BICC1: variants seen among roughly 807,000 people sequenced by gnomAD.
BICC1 encodes BicC family RNA binding protein 1.
A neutral mutation model predicts 111.0 loss-of-function variants in BICC1; 43 were observed. The observed-to-expected ratio is 0.39, with a 90% confidence interval of 0.30 to 0.50. The LOEUF (loss-of-function observed/expected upper bound fraction) is 0.50, where lower values mean the gene tolerates loss of function less well. BICC1 is among the 20% of genes least tolerant of loss of function. BICC1 has a pLI of 0.88. For missense variants in BICC1, 1,091 were observed against 1,203.2 expected, an observed-to-expected ratio of 0.91 and a Z score of 1.38; for synonymous variants, 467 against 434.4, an observed-to-expected ratio of 1.07 and a Z score of -0.93.
intron 5 of BICC1, among the ~76,000 whole-genome samples, chr10:58,787,315 C>A (rs538765355): frequency 1.3e-5 from 2 of 152,002 alleles, no homozygotes; most frequent in Non-Finnish European, 2.9e-5. Flanking sequence ...TAAAAAATAG[C>A]GGAAGATGTA....
chr10:58,727,701 C>A (rs1366168464), intron 3 of BICC1, among the ~76,000 whole-genome samples: 1 of 152,112 alleles, frequency 6.6e-6, no homozygotes, highest in African/African-American at 2.4e-5. Flanking sequence ...AAAATATAAT[C>A]TTTAGAAACT....
intron 2 of BICC1, among the ~76,000 whole-genome samples, chr10:58,636,501 A>ATAGG (rs1216705345): frequency 6.6e-6 from 1 of 152,086 alleles, no homozygotes; most frequent in Non-Finnish European, 1.5e-5. Context: ...GTTGTCTGAG[A>ATAGG]TAGGGCCTAG....
intron 1 of BICC1, among the ~76,000 whole-genome samples, chr10:58,561,392 G>C (rs1589099453): frequency 6.6e-6 from 1 of 151,386 alleles, no homozygotes; most frequent in South Asian, 2.1e-4. Context: ...TTCTCTTTGT[G>C]TAGAATATTC....
intron 19 of BICC1, among the ~76,000 whole-genome samples, chr10:58,819,794 A>C (rs1844202058): frequency 6.6e-6 from 1 of 151,984 alleles, no homozygotes; most frequent in African/African-American, 2.4e-5. Context: ...AAGGTGGGGG[A>C]TCCTTGGGCA....
chr10:58,690,359 C>T (rs1465196972), intron 2 of BICC1, among the ~76,000 whole-genome samples: 1 of 152,214 alleles, frequency 6.6e-6, no homozygotes, highest in African/African-American at 2.4e-5. Context: ...CTGTTTTTCT[C>T]CCATGAGGAG....
chr10:58,797,490 CT>C (rs1843394108), intron 10 of BICC1, among the ~76,000 whole-genome samples: 1 of 152,136 alleles, frequency 6.6e-6, no homozygotes, highest in Non-Finnish European at 1.5e-5. Context: ...ATCTTGGCCC[CT>C]AATCTACCAA....
intron 2 of BICC1, among the ~76,000 whole-genome samples, chr10:58,670,405 A>G (rs1460714626): frequency 6.6e-6 from 1 of 152,186 alleles, no homozygotes; most frequent in African/African-American, 2.4e-5. Context: ...GACCATTATT[A>G]TCACATTATC....
intron 2 of BICC1, among the ~76,000 whole-genome samples, chr10:58,684,575 G>A (rs1428414857): frequency 6.6e-6 from 1 of 152,172 alleles, no homozygotes; most frequent in Admixed American, 6.5e-5. Context: ...TCTATTCAGA[G>A]ATTCAACTTC....
At chr10:58,514,789 C>T (rs1842197795) in intron 1 of BICC1, among the ~76,000 whole-genome samples, 1 of 152,188 alleles carries the variant, frequency 6.6e-6, no homozygotes, top group African/African-American at 2.4e-5. Context: ...AGTTGCATTT[C>T]AGTAACTCAT....
chr10:58,828,980 A>C lies in BICC1; in HGVS notation c.*89A>C, dbSNP rs974000772. ...GCCTTCACAGCACACCATCCTTAGC[A>C]CTCTGGGTGTCTGGTATCAGGACCA... On this transcript the variant is annotated 3_prime_UTR_variant, in exon 21 of 21. Coordinates refer to ENST00000373886, the MANE Select transcript of BICC1 (RefSeq NM_001080512.3). The C allele has an allele frequency of 2.7e-5, 41 of 1,493,958 alleles. No homozygotes were observed. Among genetic ancestry groups the C allele is most frequent in the Non-Finnish European group, 1.6e-5 (18 of 1,101,426 alleles). The allele number at this position is 1,493,958 out of a possible 1,614,324, so 92.5% of individuals were successfully genotyped here.
intron 4 of BICC1, among the ~76,000 whole-genome samples, chr10:58,786,131 C>T (rs567318746): frequency 1.3e-5 from 2 of 152,122 alleles, no homozygotes; most frequent in East Asian, 1.9e-4. Context: ...TTTGATATTT[C>T]GATTTTACTT....
chr10:58,716,648 A>G (rs977468237), intron 3 of BICC1, among the ~76,000 whole-genome samples: 12 of 152,232 alleles, frequency 7.9e-5, no homozygotes, highest in African/African-American at 2.9e-4. Context: ...AGAAATGACC[A>G]GATGACTCTA....
At chr10:58,738,804 A>G in intron 3 of BICC1, among the ~76,000 whole-genome samples, 1 of 151,858 alleles carries the variant, frequency 6.6e-6, no homozygotes, top group Non-Finnish European at 1.5e-5. Context: ...GGTCCTTCAC[A>G]TCTCTTGTAA....
intron 1 of BICC1, among the ~76,000 whole-genome samples, chr10:58,564,418 CATTTTATGGATGAAGAACCT>C (rs1397558976): frequency 3.3e-5 from 5 of 152,174 alleles, no homozygotes; most frequent in African/African-American, 1.2e-4. Flanking sequence ...GTATATCTGG[CATTTTATGGATGAAGAACCT>C]ATTTTATGGA....
chr10:58,796,452 C>T lies in BICC1; in HGVS notation c.1292C>T (p.Ala431Val). The T allele has an allele frequency of 6.2e-7, 1 of 1,614,160 alleles. No individual in the cohort carries two copies. The highest frequency in any genetic ancestry group is 8.5e-7 in the Non-Finnish European group (1 of 1,180,004). Residue 431 changes from alanine to valine, a missense_variant, in exon 10 of 21, where the codon GCA becomes GTA. Ala to Val is a moderately conservative substitution (Grantham distance 64). Around this residue, in one of 3 missense-constraint regions of BICC1, gnomAD observed 843 missense variants for 900.8 expected, o/e 0.94. Transcript: ENST00000373886. ...ACCATAGCAACCAGTCCATCCCCAG[C>T]ATCCTGCCCTGCCGGCCTGGCATGT... ...GVTIATSPSP[A>V]SCPAGLACPS...
At chr10:58,549,538 A>G (rs1843234065) in intron 1 of BICC1, among the ~76,000 whole-genome samples, 1 of 151,886 alleles carries the variant, frequency 6.6e-6, no homozygotes, top group African/African-American at 2.4e-5. Flanking sequence ...TATTTCCCTA[A>G]TGAGATAATG....
intron 1 of BICC1, among the ~76,000 whole-genome samples, chr10:58,520,610 A>T (rs1842362996): frequency 1.3e-5 from 2 of 152,152 alleles, no homozygotes; most frequent in African/African-American, 4.8e-5. Flanking sequence ...AGAATGATAA[A>T]CCACATATTA....
chr10:58,568,603 G>C (rs116601260), intron 1 of BICC1, among the ~76,000 whole-genome samples: 7 of 152,120 alleles, frequency 4.6e-5, no homozygotes, highest in Admixed American at 1.3e-4. Flanking sequence ...CTAGTGCCCA[G>C]AACGCCCACA....
chr10:58,662,066 A>G (rs1404585148), intron 2 of BICC1, among the ~76,000 whole-genome samples: 1 of 152,108 alleles, frequency 6.6e-6, no homozygotes, highest in Non-Finnish European at 1.5e-5. Context: ...GTCCTTTGAG[A>G]GGCACATATG....
Sources: gnomAD v4.1 joint callset for allele counts (sites outside exome capture counted in the v4.1 genomes callset) on GRCh38, gnomAD v4.1.1 for gene constraint, gnomAD v4.1.1 regional missense constraint, MANE v1.5 for transcripts, NCBI Gene and HGNC (gene_info 2026-07-23, HGNC 2026-07-21) for gene names.